ADGRG7: variants seen among roughly 807,000 people sequenced by gnomAD.
The protein encoded by ADGRG7 is adhesion G protein-coupled receptor G7, also known as G-protein coupled receptor 128.
A neutral mutation model predicts 88.6 loss-of-function variants in ADGRG7; 82 were observed. That is an observed-to-expected ratio of 0.93 (90% CI 0.77 to 1.11). ADGRG7 has a LOEUF of 1.11. Ranked by LOEUF, ADGRG7 falls within the 50% of genes most tolerant of loss-of-function variation. ADGRG7 has a pLI of 0.00. For missense variants in ADGRG7, 945 were observed against 953.4 expected (o/e 0.99, Z 0.12); for synonymous variants, 381 against 345.2 (o/e 1.10, Z -1.15).
Position 100,629,591 on chromosome 3 carries a change from T to G in ADGRG7, c.116-7T>G, listed in dbSNP as rs750538909. 4 of 1,599,420 alleles carry G rather than the reference T, an allele frequency of 2.5e-6. No homozygotes were observed. Among genetic ancestry groups the G allele is most frequent in the South Asian group, 1.1e-5 (1 of 90,600 alleles). On this transcript the variant is annotated splice_polypyrimidine_tract_variant and splice_region_variant and intron_variant, in intron 1 of 15. Transcript: ENST00000273352. Reference sequence around the variant, plus strand: ...CATGACTATTCTGTTATTTATTGTTTCTTTAGGAAAATCTACTTCCTCATC... The same window carrying G: ...CATGACTATTCTGTTATTTATTGTTGCTTTAGGAAAATCTACTTCCTCATC...
At chr3:100,650,388 G>A (rs9851790) in intron 11 of ADGRG7, among the ~76,000 whole-genome samples, 1,844 of 151,878 alleles carry the variant, frequency 0.012, 35 homozygotes, top group African/African-American at 0.041. Context: ...AACTGCCTGC[G>A]GTCTTTTAGA....
chr3:100,611,975 T>G (rs1707160803), intron 1 of ADGRG7, among the ~76,000 whole-genome samples: 1 of 152,204 alleles, frequency 6.6e-6, no homozygotes, highest in Admixed American at 6.5e-5. Context: ...TTTTTACATT[T>G]TTTTAAGGGG....
At chr3:100,628,923 T>C (rs575057428) in intron 1 of ADGRG7, among the ~76,000 whole-genome samples, 8 of 152,266 alleles carry the variant, frequency 5.3e-5, no homozygotes, top group Non-Finnish European at 1.0e-4. Context: ...TGTTACTCCT[T>C]TGTTTTATGA....
intron 15 of ADGRG7, among the ~76,000 whole-genome samples, chr3:100,681,006 A>G: frequency 6.6e-6 from 1 of 152,212 alleles, no homozygotes; most frequent in East Asian, 1.9e-4. Flanking sequence ...TCAAGGACAT[A>G]CTTAACCATA....
rs954314355 is a variant in ADGRG7, at chr3:100,679,330, T to C, written c.2136+10225T>C. ...GGCTCTTCAGTCAGTCTGTGGTTAA[T>C]GCTGCCAGTCAAGGCAGTGTACTCT... is the stretch of plus-strand genomic sequence containing the variant. On this transcript the variant is annotated intron_variant, in intron 15 of 15. Coordinates refer to ENST00000273352, the MANE Select transcript of ADGRG7 (RefSeq NM_032787.3). 3.9e-5 allele frequency among the ~76,000 whole-genome samples: 6 copies of C among 152,210 alleles called. No individual in the cohort carries two copies. The East Asian group carries it at 1.2e-3, about 29-fold the overall frequency.
At chr3:100,650,063 C>T (rs1229046934) in intron 11 of ADGRG7, among the ~76,000 whole-genome samples, 2 of 152,124 alleles carry the variant, frequency 1.3e-5, no homozygotes, top group African/African-American at 4.8e-5. Flanking sequence ...TTTATGTGGT[C>T]CTGCAGCTCA....
At chr3:100,642,293 G>T (rs1707653810) in intron 6 of ADGRG7, among the ~76,000 whole-genome samples, 2 of 152,130 alleles carry the variant, frequency 1.3e-5, no homozygotes, top group Non-Finnish European at 2.9e-5. Context: ...AGCAGCTCTG[G>T]GGTATGTGTG....
intron 15 of ADGRG7, among the ~76,000 whole-genome samples, chr3:100,688,959 C>G (rs539166260): frequency 5.3e-5 from 8 of 152,306 alleles, no homozygotes; most frequent in Non-Finnish European, 1.0e-4. Flanking sequence ...GTTGATCCAT[C>G]TAATGTTGAC....
chr3:100,651,565 C>T (rs567457855), intron 11 of ADGRG7, among the ~76,000 whole-genome samples: 1 of 152,108 alleles, frequency 6.6e-6, no homozygotes, highest in East Asian at 1.9e-4. Context: ...AAATAAACAC[C>T]AGGCATGGAG....
In ADGRG7 at chr3:100,669,070, TTC is replaced by T; in HGVS notation, c.2102_2103del (p.Phe701Ter). The T allele has an allele frequency of 6.3e-7, 1 of 1,596,516 alleles. No homozygotes were observed. Among genetic ancestry groups the T allele is most frequent in the Non-Finnish European group, 8.5e-7 (1 of 1,172,858 alleles). On this transcript the variant is annotated frameshift_variant, in exon 15 of 16. Transcript: ENST00000273352. LOFTEE classifies it high-confidence loss of function. ...TAATGATGATAGCATCAGGATCGTCTTCAGCTACATATTCTGCCTTTTCAACA... is the reference window on the plus strand; with the variant it reads ...TAATGATGATAGCATCAGGATCGTCTAGCTACATATTCTGCCTTTTCAACA... The part of the protein sequence containing the change: ...LVNDDSIRIV[F>X]SYIFCLFNTT...
rs140654439 is a variant in ADGRG7, at chr3:100,646,327, G to T, written c.1110+219G>T. 411 of 601,224 alleles carry T rather than the reference G, an allele frequency of 6.8e-4. 3 individuals carry two copies. Among genetic ancestry groups the T allele is most frequent in the African/African-American group, 6.1e-3 (330 of 53,790 alleles). The allele number at this position is 601,224 out of a possible 1,614,324, so 37.2% of individuals were successfully genotyped here. On this transcript the variant is annotated intron_variant, in intron 9 of 15. Transcript: ENST00000273352. ...AAATCTATAGCAAAACTCTTCAAAA[G>T]GTTCTTTGATGTATCCATTTGAATA...
intron 15 of ADGRG7, among the ~76,000 whole-genome samples, chr3:100,687,055 T>C (rs1431423777): frequency 7.9e-5 from 12 of 152,222 alleles, no homozygotes; most frequent in Non-Finnish European, 4.4e-5. Flanking sequence ...TTTTATTTCA[T>C]TGAGCAGTGG....
intron 14 of ADGRG7, chr3:100,665,092 C>T: frequency 2.0e-6 from 1 of 507,084 alleles, no homozygotes. Context: ...ATTCTTCAGT[C>T]AGTTCTTCCG....
At chr3:100,670,722 C>A (rs1048174761) in intron 15 of ADGRG7, among the ~76,000 whole-genome samples, 2 of 152,124 alleles carry the variant, frequency 1.3e-5, no homozygotes, top group Non-Finnish European at 2.9e-5. Flanking sequence ...GCCCCCCAGC[C>A]CCCGACAGGC....
chr3:100,650,918 C>T (rs1408829981), intron 11 of ADGRG7, among the ~76,000 whole-genome samples: 3 of 152,304 alleles, frequency 2.0e-5, no homozygotes, highest in Middle Eastern at 3.4e-3. Flanking sequence ...TTGTAAAAAG[C>T]ATACTTCCCA....
chr3:100,656,992 AT>A (rs1272988812), intron 13 of ADGRG7, among the ~76,000 whole-genome samples: 1 of 152,164 alleles, frequency 6.6e-6, no homozygotes, highest in African/African-American at 2.4e-5. Flanking sequence ...TTCACTTCAA[AT>A]TGCATTATTA....
intron 1 of ADGRG7, among the ~76,000 whole-genome samples, chr3:100,626,073 C>T (rs1032694462): frequency 6.6e-6 from 1 of 152,150 alleles, no homozygotes; most frequent in African/African-American, 2.4e-5. Context: ...GGAATAGTTT[C>T]ACAAGGAAAG....
At chr3:100,646,311 G>T in intron 9 of ADGRG7, 1 of 607,450 alleles carries the variant, frequency 1.6e-6, no homozygotes, top group South Asian at 2.3e-5. Flanking sequence ...GAAATCTATA[G>T]CAAAACTCTT....
intron 13 of ADGRG7, among the ~76,000 whole-genome samples, chr3:100,659,051 C>A (rs1179310341): frequency 6.6e-6 from 1 of 151,952 alleles, no homozygotes; most frequent in Non-Finnish European, 1.5e-5. Flanking sequence ...CAAAACAAAA[C>A]AAAATAAACC....
Sources: allele counts gnomAD v4.1 joint callset (sites outside exome capture counted in the v4.1 genomes callset), GRCh38; gene constraint gnomAD v4.1.1; transcripts MANE v1.5; gene names NCBI Gene and HGNC (gene_info 2026-07-23, HGNC 2026-07-21).